Variants in FLG2 observed in about 807,000 individuals in gnomAD.
FLG2 encodes filaggrin-2.
A neutral mutation model predicts 3.9 loss-of-function variants in FLG2; 7 were observed. The observed-to-expected ratio is 1.79, with a 90% CI of 1.02 to 3.36. FLG2 has a LOEUF of 3.36. FLG2 is among the 30% of genes most tolerant of loss of function. The probability of loss-of-function intolerance (pLI) is 0.00; values close to 1 mark genes in which losing one functional copy is unlikely to be tolerated. For missense variants in FLG2, 2,700 were observed against 2,809.4 expected (o/e 0.96, Z 0.88); for synonymous variants, 1,031 against 1,056.1 (o/e 0.98, Z 0.46).
chr1:152,355,945 C>T lies in FLG2; in HGVS notation c.1841G>A (p.Gly614Asp). Residue 614 changes from glycine to aspartate, a missense_variant, in exon 3 of 3, where the codon GGT (glycine) becomes GAT (aspartate). By Grantham distance (94) the Gly-to-Asp change is moderately conservative. Transcript: ENST00000388718. ...ACTGTGTTGGCCATAACTAGACTGA[C>T]CTGATCTAGACTCATGTTGTCCAAA... ...SGFGQHESRS[G>D]QSSYGQHSSG... The T allele has an allele frequency of 6.2e-7, 1 of 1,608,034 alleles. No individual in the cohort carries two copies. The highest frequency in any genetic ancestry group is 8.5e-7 in the Non-Finnish European group (1 of 1,177,466).
Position 152,355,464 on chromosome 1 carries a change from A to G in FLG2, c.2322T>C (p.Ser774=), listed in dbSNP as rs1654176313. 1.2e-6 allele frequency: 2 copies of G among 1,612,112 alleles called. No homozygotes were observed. The highest frequency in any genetic ancestry group is 1.7e-6 in the Non-Finnish European group (2 of 1,179,690). ...RSGQSSYGQH[S]SGSSQSSGYG... is the part of the protein sequence containing the mutation. ...AGCCAGATGACTGACTTGAGCCAGAACTGTGTTGGCCATAGCTAGACTGAC... is the reference window on the plus strand; with the variant it reads ...AGCCAGATGACTGACTTGAGCCAGAGCTGTGTTGGCCATAGCTAGACTGAC... Residue 774 remains serine, a synonymous_variant, in exon 3 of 3, where the codon AGT becomes AGC. Transcript: ENST00000388718.
intron 1 of FLG2, among the ~76,000 whole-genome samples, chr1:152,359,671 G>T (rs549333016): frequency 6.6e-6 from 1 of 152,276 alleles, no homozygotes; most frequent in African/African-American, 2.4e-5. Context: ...AGAAAAGAGG[G>T]CATGGAAAAA....
rs770937648 is a variant in FLG2, at chr1:152,354,001, G to T, written c.3785C>A (p.Ser1262Tyr). 86 of 1,614,060 alleles carry T rather than the reference G, an allele frequency of 5.3e-5. No homozygotes were observed. Among genetic ancestry groups the T allele is most frequent in the Non-Finnish European group, 7.0e-5 (83 of 1,180,030 alleles). Residue 1262 changes from serine (S) to tyrosine (Y), a missense_variant, in exon 3 of 3, where the codon TCC (serine) becomes TAC (tyrosine). Transcript: ENST00000388718. Reference sequence around the variant, plus strand: ...AGATCTTCGTCTTCTAGTTACCCTGGACCCTGTCTGTGTGGATTGTCCTTG... The same window carrying T: ...AGATCTTCGTCTTCTAGTTACCCTGTACCCTGTCTGTGTGGATTGTCCTTG... The part of the protein sequence containing the change: ...SGQGQSTQTG[S>Y]RVTRRRRSSQ...
Position 152,357,486 on chromosome 1 carries a change from C to G in FLG2, c.300G>C (p.Lys100Asn), listed in dbSNP as rs758664764. The G allele has an allele frequency of 6.2e-7, 1 of 1,614,164 alleles. No homozygotes were observed. The highest frequency in any genetic ancestry group is 1.1e-5 in the South Asian group (1 of 91,078). Residue 100 changes from lysine (K) to asparagine (N), a missense_variant, in exon 3 of 3, where the codon AAG becomes AAC. Transcript: ENST00000388718. ...SKEYCKASGSKKHRRGHRHQE... is the reference protein window; with the variant it reads ...SKEYCKASGSNKHRRGHRHQE... ...GGTGTCGGTGACCACGCCTATGCTT[C>G]TTTGACCCTGAAGCTTTGCAGTATT...
chr1:152,355,064 A>G lies in FLG2; in HGVS notation c.2722T>C (p.Ser908Pro). The change falls in exon 3 of 3, where the codon TCT becomes CCT. Residue 908 changes from serine to proline, a missense_variant. By Grantham distance (74) the Ser-to-Pro change is moderately conservative (BLOSUM62 -1). Coordinates refer to ENST00000388718, the MANE Select transcript of FLG2 (RefSeq NM_001014342.3). ...GQHGTGSGQY[S>P]GFGQHESRSH... ...CTAGACTCATGTTGTCCAAAACCAG[A>G]GTATTGTCCTGAGCCAGTCCCATGT... The G allele has an allele frequency of 6.4e-7, 1 of 1,551,230 alleles. No individual in the cohort carries two copies. The highest frequency in any genetic ancestry group is 8.7e-7 in the Non-Finnish European group (1 of 1,151,366).
chr1:152,350,973 A>ATG lies in FLG2; in HGVS notation c.6811_6812dup (p.Ser2272IlefsTer131), dbSNP rs1557893745. On this transcript the variant is annotated frameshift_variant, in exon 3 of 3. Transcript: ENST00000388718. LOFTEE classifies it low-confidence loss of function (END_TRUNC). ...CAGCTTGGCCCTGAATGTGTCCTGA[A>ATG]TGTGTGTGTGAGCCCCATGAGTGCA... 1 of 1,613,632 alleles carries ATG rather than the reference A, an allele frequency of 6.2e-7. No homozygotes were observed. The highest frequency in any genetic ancestry group is 1.1e-5 in the South Asian group (1 of 91,030).
rs1433234451 is a variant in FLG2 at position 152,353,083 on chromosome 1, G to T, written c.4703C>A (p.Thr1568Lys). 1 of 1,613,378 alleles carries T rather than the reference G, an allele frequency of 6.2e-7. No individual in the cohort carries two copies. The highest frequency in any genetic ancestry group is 8.5e-7 in the Non-Finnish European group (1 of 1,179,898). The change falls in exon 3 of 3, where the codon ACA becomes AAA. Residue 1568 changes from threonine to lysine, a missense_variant. Thr to Lys is a moderately conservative substitution (Grantham distance 78). Transcript: ENST00000388718. ...HEQTTQTGSRTTGRQRTSHSE... is the reference protein window; with the variant it reads ...HEQTTQTGSRKTGRQRTSHSE... ...GTGGCTAGTTCTCTGTCTTCCAGTT[G>T]TCCTGGACCCTGTCTGTGTGGTTTG...
Position 152,357,420 on chromosome 1 carries a change from T to C in FLG2, c.366A>G (p.Thr122=). 6.2e-7 allele frequency: 1 copy of C among 1,614,194 alleles called. No individual in the cohort carries two copies. The highest frequency in any genetic ancestry group is 8.5e-7 in the Non-Finnish European group (1 of 1,180,030). Residue 122 remains threonine (T), a synonymous_variant, in exon 3 of 3, where the codon ACA becomes ACG. Coordinates refer to ENST00000388718, the MANE Select transcript of FLG2 (RefSeq NM_001014342.3). ...ESETEEDEED[T]PGHKSGYRHS... The stretch of plus-strand genomic sequence containing the variant: ...GTCTGTAACCTGATTTATGTCCTGG[T>C]GTATCCTCTTCATCCTCTTCTGTTT...
At position 152,355,956 on chromosome 1, in the gene FLG2, C is replaced by A. The variant is rs373220305; in HGVS notation, c.1830G>T (p.Glu610Asp). ...CATAACTAGACTGACCTGATCTAGA[C>A]TCATGTTGTCCAAAGCCAGAGGATT... The part of the protein sequence containing the change: ...SGQSSGFGQH[E>D]SRSGQSSYGQ... The change falls in exon 3 of 3, where the codon GAG becomes GAT. Residue 610 changes from glutamate to aspartate, a missense_variant. Transcript: ENST00000388718. 124 of 1,608,764 alleles carry A rather than the reference C, an allele frequency of 7.7e-5. 1 individual carries two copies. The highest frequency in any genetic ancestry group is 9.7e-5 in the Non-Finnish European group (114 of 1,177,586).
In FLG2 at chr1:152,358,566, C is replaced by T. The variant is rs181135771; in HGVS notation, c.138+181G>A. Among the ~76,000 whole-genome samples the T allele has an allele frequency of 5.8e-4, 88 of 152,224 alleles. 1 individual carries two copies. Among genetic ancestry groups the T allele is most frequent in the Middle Eastern group, 6.8e-3 (2 of 294 alleles). ...GAGTGCATAGGTGGAAAAGTGAGGA[C>T]GAAACATTCACTTTCTTTAAAATAT... is the stretch of plus-strand genomic sequence containing the variant. On this transcript the variant is annotated intron_variant, in intron 2 of 2. Transcript: ENST00000388718.
Position 152,356,569 on chromosome 1 carries a change from T to C in FLG2, c.1217A>G (p.Asn406Ser), listed in dbSNP as rs747773988. The change falls in exon 3 of 3, where the codon AAC becomes AGC. Residue 406 changes from asparagine (N) to serine (S), a missense_variant. Physicochemically the swap from Asn to Ser is conservative, Grantham distance 46 (BLOSUM62 1). Coordinates refer to ENST00000388718, the MANE Select transcript of FLG2 (RefSeq NM_001014342.3). ...HEYGSCGRFS[N>S]SSSSNEFSKC... ...GGAAAATTCATTTGAACTAGAAGAG[T>C]TTGAAAAGCGGCCACAGGAACCATA... The C allele has an allele frequency of 1.9e-6, 3 of 1,614,068 alleles. No homozygotes were observed. Among genetic ancestry groups the C allele is most frequent in the Non-Finnish European group, 2.5e-6 (3 of 1,180,008 alleles).
intron 2 of FLG2, among the ~76,000 whole-genome samples, chr1:152,358,046 G>A (rs905797572): frequency 3.3e-5 from 5 of 149,920 alleles, no homozygotes; most frequent in African/African-American, 9.8e-5. Flanking sequence ...TTTTGAGATG[G>A]AGTCTTGCTC....
chr1:152,354,067 T>A lies in FLG2; in HGVS notation c.3719A>T (p.His1240Leu). ...TCTAGTGGTATTTATTGTCTGACCA[T>A]GAGTAGTTTCCTGTCTCCCATGAAC... The part of the protein sequence containing the change: ...STVHGRQETT[H>L]GQTINTTRHS... The change falls in exon 3 of 3, where the codon CAT (histidine) becomes CTT (leucine). Residue 1240 changes from histidine to leucine, a missense_variant. Physicochemically the swap from His to Leu is moderately conservative, Grantham distance 99 (BLOSUM62 -3). Coordinates refer to ENST00000388718, the MANE Select transcript of FLG2 (RefSeq NM_001014342.3). 1 of 1,614,256 alleles carries A rather than the reference T, an allele frequency of 6.2e-7. No homozygotes were observed. The highest frequency in any genetic ancestry group is 8.5e-7 in the Non-Finnish European group (1 of 1,180,030).
In FLG2 at chr1:152,349,547, A is replaced by G. The variant is rs1653829441; in HGVS notation, c.*1063T>C. On this transcript the variant is annotated 3_prime_UTR_variant, in exon 3 of 3. Transcript: ENST00000388718. ...ATAGTACAGAACTATAGTTAAAATGAAAGAACAGACATATACCCTTACTAC... is the reference window on the plus strand; with the variant it reads ...ATAGTACAGAACTATAGTTAAAATGGAAGAACAGACATATACCCTTACTAC... 6.5e-6 allele frequency: 1 copy of G among 152,682 alleles called. No homozygotes were observed. Among genetic ancestry groups the G allele is most frequent in the South Asian group, 2.1e-4 (1 of 4,830 alleles). The allele number at this position is 152,682 out of a possible 1,614,324, so 9.5% of individuals were successfully genotyped here.
At position 152,355,972 on chromosome 1, in the gene FLG2, C is replaced by T. The variant is rs1453882398; in HGVS notation, c.1814G>A (p.Gly605Asp). Residue 605 changes from glycine to aspartate, a missense_variant, in exon 3 of 3, where the codon GGC (glycine) becomes GAC (aspartate). Gly to Asp is a moderately conservative substitution (Grantham distance 94). Coordinates refer to ENST00000388718, the MANE Select transcript of FLG2 (RefSeq NM_001014342.3). ...QHGSGSGQSSGFGQHESRSGQ... is the reference protein window; with the variant it reads ...QHGSGSGQSSDFGQHESRSGQ... ...TGATCTAGACTCATGTTGTCCAAAG[C>T]CAGAGGATTGTCCTGAGCCAGACCC... 3 of 1,609,426 alleles carry T rather than the reference C, an allele frequency of 1.9e-6. No homozygotes were observed. Among genetic ancestry groups the T allele is most frequent in the Non-Finnish European group, 2.5e-6 (3 of 1,177,600 alleles).
rs1653802911 is a variant in FLG2 at position 152,348,904 on chromosome 1, T to C, written c.*1706A>G. 1 of 152,198 alleles carries C rather than the reference T, an allele frequency of 6.6e-6. No individual in the cohort carries two copies. The highest frequency in any genetic ancestry group is 2.1e-4 in the South Asian group (1 of 4,830). 9.4% of individuals were successfully genotyped at this position (152,198 alleles called of 1,614,324 possible). On this transcript the variant is annotated 3_prime_UTR_variant, in exon 3 of 3. Transcript: ENST00000388718. ...CATGTGGGAAACTATGACAACATTCTTTGTTCAGGATGGGATGTGTTATAA... is the reference window on the plus strand; with the variant it reads ...CATGTGGGAAACTATGACAACATTCCTTGTTCAGGATGGGATGTGTTATAA...
chr1:152,358,885 C>T lies in FLG2; in HGVS notation c.-1G>A, dbSNP rs754517179. ...CAACACTTCTCAAGAGGTCGGTCAT[C>T]TTTTTGCAAGTTTAAGTGAACCTGG... On this transcript the variant is annotated 5_prime_UTR_variant, in exon 2 of 3. Transcript: ENST00000388718. The T allele has an allele frequency of 6.2e-7, 1 of 1,610,778 alleles. No homozygotes were observed.
Position 152,358,830 on chromosome 1 carries a change from T to C in FLG2, c.55A>G (p.Thr19Ala). The C allele has an allele frequency of 5.0e-6, 8 of 1,614,096 alleles. No individual in the cohort carries two copies. In the South Asian group the frequency reaches 8.8e-5, roughly 18 times the overall value. ...VTVIDVFYKYTKQDGECGTLS... is the reference protein window; with the variant it reads ...VTVIDVFYKYAKQDGECGTLS... ...GTGCCACACTCCCCATCTTGCTTGG[T>C]GTATTTGTAGAAAACATCAATTACG... is the stretch of plus-strand genomic sequence containing the variant. The change falls in exon 2 of 3, where the codon ACC becomes GCC. Residue 19 changes from threonine to alanine, a missense_variant. Physicochemically the swap from Thr to Ala is moderately conservative, Grantham distance 58 (BLOSUM62 0). Coordinates refer to ENST00000388718, the MANE Select transcript of FLG2 (RefSeq NM_001014342.3).
In FLG2 at chr1:152,351,799, G is replaced by A. The variant is rs539533778; in HGVS notation, c.5987C>T (p.Thr1996Ile). ...GGTATCTGCTGTTTGTCCATGAGTA[G>A]TTCCGTGTCTCTCATGAACTGAGGA... ...SGSSVHERHG[T>I]THGQTADTTR... The change falls in exon 3 of 3, where the codon ACT (threonine) becomes ATT (isoleucine). Residue 1996 changes from threonine to isoleucine, a missense_variant. Coordinates refer to ENST00000388718, the MANE Select transcript of FLG2 (RefSeq NM_001014342.3). 1 of 1,612,696 alleles carries A rather than the reference G, an allele frequency of 6.2e-7. No homozygotes were observed. The highest frequency in any genetic ancestry group is 8.5e-7 in the Non-Finnish European group (1 of 1,179,880).
Sources: allele counts gnomAD v4.1 joint callset (sites outside exome capture counted in the v4.1 genomes callset), GRCh38; gene constraint gnomAD v4.1.1; transcripts MANE v1.5; gene names NCBI Gene and HGNC (gene_info 2026-07-23, HGNC 2026-07-21).